The following RNF220 variants were observed in gnomAD, a reference collection of about 807,000 sequenced individuals.
RNF220 encodes ring finger protein 220, also known as E3 ubiquitin-protein ligase RNF220.
Under a neutral mutation model 67.1 loss-of-function variants are expected in RNF220, and 7 were observed. The ratio of observed to expected loss-of-function variants is 0.10; its 90% confidence interval spans 0.06 to 0.20. The LOEUF (loss-of-function observed/expected upper bound fraction) is 0.20. Among genes scored for constraint, RNF220 ranks in the 10% least tolerant of loss-of-function variants. The pLI is 1.00. For synonymous variants in RNF220, 270 were observed against 283.2 expected, an observed-to-expected ratio of 0.95 and a Z score of 0.47; for missense variants, 565 against 740.3, an observed-to-expected ratio of 0.76 and a Z score of 2.75.
At chr1:44,423,881 A>G (rs1649475838) in intron 2 of RNF220, 7 of 985,260 alleles carry the variant, frequency 7.1e-6, no homozygotes, top group Non-Finnish European at 8.4e-6. Flanking sequence ...TGAAGAAGGA[A>G]AAAAAGAAAG....
intron 2 of RNF220, among the ~76,000 whole-genome samples, chr1:44,580,232 G>T (rs1290053234): frequency 6.6e-6 from 1 of 152,042 alleles, no homozygotes; most frequent in Non-Finnish European, 1.5e-5. Context: ...CTGGGATTTT[G>T]AACCTTGGGC....
chr1:44,635,859 G>C (rs1172054133), intron 7 of RNF220, 171 bp from the exon 8 acceptor site: 1 of 1,339,326 alleles, frequency 7.5e-7, no homozygotes, highest in East Asian at 2.3e-5. Flanking sequence ...AAAACTATTG[G>C]GAAGAGGCCC....
intron 2 of RNF220, among the ~76,000 whole-genome samples, chr1:44,480,938 C>T (rs1043146654): frequency 1.3e-5 from 2 of 152,070 alleles, no homozygotes; most frequent in Non-Finnish European, 2.9e-5. Flanking sequence ...ACGTCAAATG[C>T]TCCTGGGAGA....
chr1:44,607,950 G>T lies in RNF220; in HGVS notation c.626-6215G>T, dbSNP rs553565062. ...CTTTTTTTTTTTTTTTTAAGACAGG[G>T]TCTCACTCTGTAGGCCAGGCTGGAG... On this transcript the variant is annotated intron_variant, in intron 2 of 14. Coordinates refer to ENST00000361799, the MANE Select transcript of RNF220 (RefSeq NM_018150.4). Among the ~76,000 whole-genome samples, 15 of 146,782 alleles carry T rather than the reference G, an allele frequency of 1.0e-4. No individual in the cohort carries two copies. In the South Asian group the frequency reaches 3.0e-3, roughly 29 times the overall value.
intron 2 of RNF220, among the ~76,000 whole-genome samples, chr1:44,506,872 T>A (rs1199498911): frequency 6.6e-6 from 1 of 152,150 alleles, no homozygotes; most frequent in Non-Finnish European, 1.5e-5. Context: ...ATTGGGGAGA[T>A]CAAAAGTAGC....
chr1:44,609,534 G>A (rs1667513578), intron 2 of RNF220, among the ~76,000 whole-genome samples: 1 of 152,192 alleles, frequency 6.6e-6, no homozygotes, highest in Non-Finnish European at 1.5e-5. Flanking sequence ...GTCCAATTCT[G>A]CACCAGGCTT....
Position 44,405,400 on chromosome 1 carries a change from T to TGCCGCC in RNF220, c.-233_-228dup, listed in dbSNP as rs1024684613. ...CTACTGCTGCTGCTGCTGCTGCCGCTGCCGCCGCCGCCGCCGCCGCTGCCT... is the reference window on the plus strand; with the variant it reads ...CTACTGCTGCTGCTGCTGCTGCCGCTGCCGCCGCCGCCGCCGCCGCCGCCGCTGCCT... On this transcript the variant is annotated 5_prime_UTR_variant, in exon 1 of 15. Transcript: ENST00000361799. 7.5e-5 allele frequency: 47 copies of TGCCGCC among 626,246 alleles called. No individual in the cohort carries two copies. Among genetic ancestry groups the TGCCGCC allele is most frequent in the African/African-American group, 2.1e-4 (11 of 52,670 alleles). The allele number at this position is 626,246 out of a possible 1,614,324, so 38.8% of individuals were successfully genotyped here.
intron 2 of RNF220, among the ~76,000 whole-genome samples, chr1:44,557,418 A>AGGAG (rs1476686616): frequency 4.8e-5 from 7 of 145,974 alleles, no homozygotes; most frequent in Admixed American, 1.4e-4. Flanking sequence ...GAAGGAAGGA[A>AGGAG]GGAGGGAGGG....
At chr1:44,499,838 G>T (rs151127627) in intron 2 of RNF220, among the ~76,000 whole-genome samples, 126 of 145,820 alleles carry the variant, frequency 8.6e-4, no homozygotes, top group African/African-American at 3.4e-3. Flanking sequence ...AGGATCAAAT[G>T]ATTATGTCCT....
At chr1:44,570,585 T>G (rs933862566) in intron 2 of RNF220, among the ~76,000 whole-genome samples, 1 of 152,194 alleles carries the variant, frequency 6.6e-6, no homozygotes, top group African/African-American at 2.4e-5. Context: ...ATTTCACCTC[T>G]GAGTCTTGGC....
chr1:44,629,340 G>A (rs1278979516), intron 5 of RNF220, among the ~76,000 whole-genome samples: 1 of 152,192 alleles, frequency 6.6e-6, no homozygotes, highest in Non-Finnish European at 1.5e-5. Flanking sequence ...AAATAATTCT[G>A]GCCATATTTA....
At chr1:44,496,512 A>G (rs1657357877) in intron 2 of RNF220, among the ~76,000 whole-genome samples, 1 of 152,222 alleles carries the variant, frequency 6.6e-6, no homozygotes, top group African/African-American at 2.4e-5. Flanking sequence ...GAAGACTTAA[A>G]TTAATGAACC....
intron 8 of RNF220, chr1:44,638,252 C>T (rs935500002): frequency 1.3e-5 from 2 of 152,306 alleles, no homozygotes; most frequent in Non-Finnish European, 2.9e-5. Flanking sequence ...GGCTGCAAGC[C>T]GGGCAGCGCG....
chr1:44,532,424 C>T (rs1660904796), intron 2 of RNF220, among the ~76,000 whole-genome samples: 1 of 152,316 alleles, frequency 6.6e-6, no homozygotes, highest in South Asian at 2.1e-4. Flanking sequence ...TGAGTCCCCA[C>T]TATATACCAG....
At chr1:44,555,902 C>A (rs1279219983) in intron 2 of RNF220, among the ~76,000 whole-genome samples, 3 of 150,870 alleles carry the variant, frequency 2.0e-5, no homozygotes, top group African/African-American at 5.0e-5. Context: ...TAAAGTGATA[C>A]ACCCTTCTTG....
intron 2 of RNF220, among the ~76,000 whole-genome samples, chr1:44,475,074 A>AG (rs1655174295): frequency 6.6e-6 from 1 of 151,046 alleles, no homozygotes; most frequent in African/African-American, 2.5e-5. Flanking sequence ...GGTAAGACTG[A>AG]GGAAAAAAAA....
chr1:44,525,559 C>G (rs1660305009), intron 2 of RNF220, among the ~76,000 whole-genome samples: 1 of 152,212 alleles, frequency 6.6e-6, no homozygotes, highest in African/African-American at 2.4e-5. Context: ...ATACCACTGT[C>G]CACATGTGTT....
chr1:44,632,339 C>T lies in RNF220; in HGVS notation c.907-4C>T. ...TCTTGCATCTGCCCGCGATCTTCTC[C>T]CAGACCTTTCTGCGAGTACGAGCCA... is the stretch of plus-strand genomic sequence containing the variant. On this transcript the variant is annotated splice_region_variant and splice_polypyrimidine_tract_variant and intron_variant, in intron 5 of 14. Transcript: ENST00000361799. 6.2e-7 allele frequency: 1 copy of T among 1,614,124 alleles called. No individual in the cohort carries two copies. Among genetic ancestry groups the T allele is most frequent in the Non-Finnish European group, 8.5e-7 (1 of 1,180,004 alleles).
chr1:44,479,318 G>A (rs776651205), intron 2 of RNF220, among the ~76,000 whole-genome samples: 7 of 151,848 alleles, frequency 4.6e-5, no homozygotes, highest in Non-Finnish European at 7.4e-5. Context: ...GGGTTTCACC[G>A]TGCTAGCCAG....
Sources: allele counts gnomAD v4.1 joint callset (sites outside exome capture counted in the v4.1 genomes callset), GRCh38; gene constraint gnomAD v4.1.1; transcripts MANE v1.5; gene names NCBI Gene and HGNC (gene_info 2026-07-23, HGNC 2026-07-21).